Variants in HMGCS1 observed in about 807,000 individuals in gnomAD.
HMGCS1 encodes the protein hydroxymethylglutaryl-CoA synthase, cytoplasmic.
A neutral mutation model predicts 52.3 loss-of-function variants in HMGCS1; 9 were observed. The ratio of observed to expected loss-of-function variants is 0.17; its 90% confidence interval spans 0.10 to 0.30. The LOEUF (loss-of-function observed/expected upper bound fraction) is 0.30, where lower values mean the gene tolerates loss of function less well. Among genes scored for constraint, HMGCS1 ranks in the 10% least tolerant of loss-of-function variants. The probability of loss-of-function intolerance (pLI) is 1.00; values close to 1 mark genes in which losing one functional copy is unlikely to be tolerated. For missense variants in HMGCS1, 320 were observed against 620.9 expected (o/e 0.52, Z 5.15); for synonymous variants, 176 against 214.4 (o/e 0.82, Z 1.57).
At chr5:43,296,370 T>C (rs1754032629) in intron 5 of HMGCS1, among the ~76,000 whole-genome samples, 2 of 152,182 alleles carry the variant, frequency 1.3e-5, no homozygotes, top group Non-Finnish European at 2.9e-5. Context: ...TCTGTTAATA[T>C]ATACTGCAAG....
rs1473642962 is a variant in HMGCS1 at position 43,294,827 on chromosome 5, C to G, written c.940G>C (p.Asp314His). 6.2e-7 allele frequency: 1 copy of G among 1,611,212 alleles called. No individual in the cohort carries two copies. Among genetic ancestry groups the G allele is most frequent in the East Asian group, 2.2e-5 (1 of 44,780 alleles). ...VKLEDTYFDR[D>H]VEKAFMKASS... ...GCCTTCATAAATGCCTTCTCCACATCTCTATCAAAGTAGGTGTCTTCTAAT... is the reference window on the plus strand; with the variant it reads ...GCCTTCATAAATGCCTTCTCCACATGTCTATCAAAGTAGGTGTCTTCTAAT... Residue 314 changes from aspartate (D) to histidine (H), a missense_variant, in exon 7 of 11, where the codon GAT becomes CAT. Transcript: ENST00000325110.
intron 9 of HMGCS1, 79 bp from the exon 10 acceptor site, chr5:43,292,716 T>C (rs1753839280): frequency 2.7e-6 from 4 of 1,504,578 alleles, no homozygotes; most frequent in Non-Finnish European, 3.7e-6. Context: ...ATAAGTTTCA[T>C]ATATCCCAAT....
Position 43,289,295 on chromosome 5 carries a change from C to T in HMGCS1, c.*1836G>A, listed in dbSNP as rs911259640. ...ATGATAAATGAATGGAATGAGTGAA[C>T]GAACTGAAATGAAATTAATGCCCAT... On this transcript the variant is annotated 3_prime_UTR_variant, in exon 11 of 11. Transcript: ENST00000325110. 49 of 152,584 alleles carry T rather than the reference C, an allele frequency of 3.2e-4. No individual in the cohort carries two copies. The highest frequency in any genetic ancestry group is 1.0e-3 in the African/African-American group (42 of 41,524). 9.5% of individuals were successfully genotyped at this position (152,584 alleles called of 1,614,324 possible).
At chr5:43,302,078 C>A (rs763772782) in intron 2 of HMGCS1, among the ~76,000 whole-genome samples, 1 of 152,218 alleles carries the variant, frequency 6.6e-6, no homozygotes, top group Non-Finnish European at 1.5e-5. Flanking sequence ...CTCAGACAAG[C>A]TGCTTTCGTT....
At position 43,290,956 on chromosome 5, in the gene HMGCS1, G is replaced by C. The variant is rs904667480; in HGVS notation, c.*175C>G. 3 of 563,144 alleles carry C rather than the reference G, an allele frequency of 5.3e-6. No individual in the cohort carries two copies. In the African/African-American group the frequency reaches 5.6e-5, roughly 11 times the overall value. The allele number at this position is 563,144 out of a possible 1,614,324, so 34.9% of individuals were successfully genotyped here. ...AACAGGAAGCATGTCAGCAAATAGA[G>C]CAAAGAGACTTTCCCAAGTACACGA... On this transcript the variant is annotated 3_prime_UTR_variant, in exon 11 of 11. Transcript: ENST00000325110.
At position 43,288,643 on chromosome 5, in the gene HMGCS1, G is replaced by A. The variant is rs1357595320; in HGVS notation, c.*2488C>T. 6.6e-6 allele frequency: 1 copy of A among 151,924 alleles called. No individual in the cohort carries two copies. Among genetic ancestry groups the A allele is most frequent in the East Asian group, 1.9e-4 (1 of 5,190 alleles). 9.4% of individuals were successfully genotyped at this position (151,924 alleles called of 1,614,324 possible). On this transcript the variant is annotated 3_prime_UTR_variant, in exon 11 of 11. Coordinates refer to ENST00000325110, the MANE Select transcript of HMGCS1 (RefSeq NM_001098272.3). The stretch of plus-strand genomic sequence containing the variant: ...ACACACATTCCATAAAGGAGAGGGG[G>A]AAAGATTGAATTCTTAAAGCCATAC...
At chr5:43,306,904 TTCTAA>T (rs1754605010) in intron 2 of HMGCS1, among the ~76,000 whole-genome samples, 1 of 152,080 alleles carries the variant, frequency 6.6e-6, no homozygotes, top group Non-Finnish European at 1.5e-5. Flanking sequence ...GGTACTAGAC[TTCTAA>T]TCTAAAGTCA....
chr5:43,292,636 G>T lies in HMGCS1; in HGVS notation c.1311C>A (p.Val437=). The part of the protein sequence containing the change: ...MKLREDTHHL[V]NYIPQGSIDS... Reference sequence around the variant, plus strand: ...CTATTGAACCCTGGGGAATATAGTTGACTAAAGGAAAGGGAGAGAATATCT... The same window carrying T: ...CTATTGAACCCTGGGGAATATAGTTTACTAAAGGAAAGGGAGAGAATATCT... The change falls in exon 10 of 11, where the codon GTC becomes GTA. Residue 437 remains valine (V), a splice_region_variant and synonymous_variant. Transcript: ENST00000325110. The T allele has an allele frequency of 6.2e-7, 1 of 1,609,398 alleles. No homozygotes were observed. Among genetic ancestry groups the T allele is most frequent in the South Asian group, 1.1e-5 (1 of 90,896 alleles).
At chr5:43,300,152 A>T (rs1754241640) in intron 2 of HMGCS1, among the ~76,000 whole-genome samples, 1 of 152,196 alleles carries the variant, frequency 6.6e-6, no homozygotes, top group Non-Finnish European at 1.5e-5. Flanking sequence ...ATATTTCTTG[A>T]GTACTTCCAT....
intron 2 of HMGCS1, among the ~76,000 whole-genome samples, chr5:43,299,220 T>C (rs1246246352): frequency 6.6e-6 from 1 of 152,334 alleles, no homozygotes; most frequent in South Asian, 2.1e-4. Context: ...TGGGCATCTC[T>C]AGATTTAAAA....
rs552384345 is a variant in HMGCS1 at position 43,297,298 on chromosome 5, C to T, written c.575-132G>A. ...TTCTCACCACTTACAGTAGAGAAAT[C>T]GCAAGCTGAAGCCAATATAAGTGAA... is the stretch of plus-strand genomic sequence containing the variant. On this transcript the variant is annotated intron_variant, in intron 4 of 10. Transcript: ENST00000325110. 9.9e-5 allele frequency: 71 copies of T among 717,166 alleles called. 2 individuals are homozygous for T. Among genetic ancestry groups the T allele is most frequent in the South Asian group, 5.5e-4 (29 of 52,420 alleles). 44.4% of individuals were successfully genotyped at this position (717,166 alleles called of 1,614,324 possible).
chr5:43,293,241 C>G (rs535437496), intron 8 of HMGCS1, among the ~76,000 whole-genome samples: 1 of 152,186 alleles, frequency 6.6e-6, no homozygotes, highest in South Asian at 2.1e-4. Flanking sequence ...ACAATTAATC[C>G]ATGGTACAAT....
chr5:43,303,527 A>G (rs1234574268), intron 2 of HMGCS1, among the ~76,000 whole-genome samples: 2 of 152,104 alleles, frequency 1.3e-5, no homozygotes, highest in Non-Finnish European at 1.5e-5. Context: ...CACCTACTCT[A>G]TGGTATTTTG....
At chr5:43,301,942 C>T (rs1243217714) in intron 2 of HMGCS1, among the ~76,000 whole-genome samples, 1 of 152,208 alleles carries the variant, frequency 6.6e-6, no homozygotes. Flanking sequence ...AACAGAGATC[C>T]TCTCCACTTT....
At chr5:43,311,436 A>G (rs949746488) in intron 1 of HMGCS1, among the ~76,000 whole-genome samples, 1 of 152,106 alleles carries the variant, frequency 6.6e-6, no homozygotes, top group Admixed American at 6.5e-5. Flanking sequence ...ACATCCTTCT[A>G]TGATATTTGG....
intron 2 of HMGCS1, among the ~76,000 whole-genome samples, chr5:43,299,497 A>G (rs1754200261): frequency 6.6e-6 from 1 of 151,756 alleles, no homozygotes; most frequent in Admixed American, 6.6e-5. Flanking sequence ...AAAATACAAA[A>G]GAATTAGCCG....
rs558703758 is a variant in HMGCS1 at position 43,290,904 on chromosome 5, G to A, written c.*227C>T. ...TTTTACAGAGCCCTTAACATCATTC[G>A]AGTACATTTGGCATTGGCCAGACCA... On this transcript the variant is annotated 3_prime_UTR_variant, in exon 11 of 11. Coordinates refer to ENST00000325110, the MANE Select transcript of HMGCS1 (RefSeq NM_001098272.3). The A allele has an allele frequency of 4.5e-5, 21 of 468,434 alleles. 1 individual carries two copies. In the South Asian group the frequency reaches 5.5e-4, roughly 12 times the overall value. 29.0% of individuals were successfully genotyped at this position (468,434 alleles called of 1,614,324 possible).
Position 43,288,617 on chromosome 5 carries a change from AAC to A in HMGCS1, c.*2512_*2513del. On this transcript the variant is annotated 3_prime_UTR_variant, in exon 11 of 11. Transcript: ENST00000325110. ...AAAGGTTAAGTGTACAAATAGAGGA[AAC>A]ACACATTCCATAAAGGAGAGGGGGA... 1 of 152,144 alleles carries A rather than the reference AAC, an allele frequency of 6.6e-6. No individual in the cohort carries two copies. The highest frequency in any genetic ancestry group is 1.9e-4 in the East Asian group (1 of 5,196). 9.4% of individuals were successfully genotyped at this position (152,144 alleles called of 1,614,324 possible). A position where few individuals can be genotyped will look rare whatever the true frequency, so the allele number is the denominator to read the frequency against.
chr5:43,299,025 G>A, intron 2 of HMGCS1, 50 bp from the exon 3 acceptor site: 3 of 1,343,336 alleles, frequency 2.2e-6, no homozygotes, highest in South Asian at 2.8e-5. Flanking sequence ...ATAAGTTGCT[G>A]GTTTTCAACT....
Sources: gnomAD v4.1 joint callset for allele counts (sites outside exome capture counted in the v4.1 genomes callset) on GRCh38, gnomAD v4.1.1 for gene constraint, MANE v1.5 for transcripts, NCBI Gene and HGNC (gene_info 2026-07-23, HGNC 2026-07-21) for gene names.